GALNT13: variants seen among roughly 807,000 people sequenced by gnomAD.
The protein encoded by GALNT13 is polypeptide N-acetylgalactosaminyltransferase 13.
In GALNT13, 28 loss-of-function variants were observed where a neutral mutation model predicts 64.2. The observed-to-expected ratio is 0.44, with a 90% confidence interval of 0.32 to 0.60. The LOEUF (loss-of-function observed/expected upper bound fraction) is 0.60. GALNT13 is among the 20% of genes least tolerant of loss of function. The pLI is 0.05. For synonymous variants in GALNT13, 214 were observed against 224.6 expected (o/e 0.95, Z 0.42); for missense variants, 577 against 669.8 (o/e 0.86, Z 1.53).
In GALNT13 at chr2:154,021,463, A is replaced by G. The variant is rs148946883; in HGVS notation, c.142+76824A>G. 7.0e-3 allele frequency among the ~76,000 whole-genome samples: 1,068 copies of G among 152,258 alleles called. 15 individuals carry two copies. The highest frequency in any genetic ancestry group is 0.025 in the African/African-American group (1,028 of 41,530). Reference sequence around the variant, plus strand: ...TAAGTATTTTATTCTCTTTGAAACAATTGTGAATGGGAATTCACTCATGAT... The same window carrying G: ...TAAGTATTTTATTCTCTTTGAAACAGTTGTGAATGGGAATTCACTCATGAT... On this transcript the variant is annotated intron_variant, in intron 3 of 12. Coordinates refer to ENST00000392825, the MANE Select transcript of GALNT13 (RefSeq NM_052917.4).
chr2:154,295,847 G>A (rs972154349), intron 8 of GALNT13, among the ~76,000 whole-genome samples: 1 of 152,120 alleles, frequency 6.6e-6, no homozygotes, highest in Non-Finnish European at 1.5e-5. Context: ...CTAGAAAAAC[G>A]GCAGGTCTTT....
At chr2:153,374,278 A>G in the GALNT13 span, among the ~76,000 whole-genome samples, 1 of 152,322 alleles carries the variant, frequency 6.6e-6, no homozygotes, top group Non-Finnish European at 1.5e-5. Context: ...CCATCCAAAC[A>G]AGTATGAAGT....
At chr2:154,123,521 GAATAACATGGCTACACACTC>G (rs2105523272) in intron 3 of GALNT13, among the ~76,000 whole-genome samples, 1 of 151,960 alleles carries the variant, frequency 6.6e-6, no homozygotes, top group East Asian at 1.9e-4. Flanking sequence ...AAGGCACACT[GAATAACATGGCTACACACTC>G]AATAACATGG....
At chr2:154,047,431 G>A (rs1159650938) in intron 3 of GALNT13, among the ~76,000 whole-genome samples, 1 of 152,116 alleles carries the variant, frequency 6.6e-6, no homozygotes, top group Non-Finnish European at 1.5e-5. Flanking sequence ...ATGTAGTTAA[G>A]AGTATATGGT....
chr2:153,746,266 C>G, the GALNT13 span, among the ~76,000 whole-genome samples: 1 of 152,008 alleles, frequency 6.6e-6, no homozygotes, highest in Admixed American at 6.6e-5. Flanking sequence ...AATACCAGCC[C>G]CTAGTAAGTA....
the GALNT13 span, among the ~76,000 whole-genome samples, chr2:153,658,905 T>C: frequency 1.3e-4 from 20 of 152,076 alleles, no homozygotes; most frequent in Admixed American, 1.3e-3. Context: ...GTTGACCCAT[T>C]TATCAGCCCA....
chr2:153,776,582 T>C, the GALNT13 span, among the ~76,000 whole-genome samples: 1 of 152,230 alleles, frequency 6.6e-6, no homozygotes, highest in Non-Finnish European at 1.5e-5. Flanking sequence ...TTTCAATTTC[T>C]CACTTGCCCA....
At chr2:153,832,400 A>G in the GALNT13 span, among the ~76,000 whole-genome samples, 27 of 152,298 alleles carry the variant, frequency 1.8e-4, 1 homozygote, top group African/African-American at 5.8e-4. Flanking sequence ...TAATCAAAAC[A>G]AGTTCAAAAA....
chr2:153,959,105 A>G (rs1206276674), intron 3 of GALNT13, among the ~76,000 whole-genome samples: 1 of 152,254 alleles, frequency 6.6e-6, no homozygotes, highest in Non-Finnish European at 1.5e-5. Context: ...GGCAAGACCA[A>G]TATTCCCCTA....
the GALNT13 span, among the ~76,000 whole-genome samples, chr2:153,678,938 A>G: frequency 6.6e-6 from 1 of 152,032 alleles, no homozygotes; most frequent in Non-Finnish European, 1.5e-5. Flanking sequence ...GAGAGTATGG[A>G]AAATGGAAGT....
the GALNT13 span, among the ~76,000 whole-genome samples, chr2:153,679,304 T>C: frequency 6.6e-6 from 1 of 152,136 alleles, no homozygotes; most frequent in Non-Finnish European, 1.5e-5. Context: ...ATACTCACAA[T>C]GATTATGTTT....
chr2:153,487,981 A>C, the GALNT13 span, among the ~76,000 whole-genome samples: 7 of 152,220 alleles, frequency 4.6e-5, no homozygotes, highest in Non-Finnish European at 1.0e-4. Context: ...AGGCAGTCCA[A>C]AGGAATATTA....
At chr2:153,081,877 G>A in the GALNT13 span, among the ~76,000 whole-genome samples, 1 of 152,120 alleles carries the variant, frequency 6.6e-6, no homozygotes, top group African/African-American at 2.4e-5. Context: ...TTTGTGGGGT[G>A]TTTACCAAGC....
chr2:153,804,065 C>T, the GALNT13 span, among the ~76,000 whole-genome samples: 5 of 152,194 alleles, frequency 3.3e-5, no homozygotes, highest in African/African-American at 9.6e-5. Flanking sequence ...AATGAAATGA[C>T]ATTAACAGAA....
chr2:153,501,860 T>C, the GALNT13 span, among the ~76,000 whole-genome samples: 4 of 152,312 alleles, frequency 2.6e-5, no homozygotes, highest in African/African-American at 7.2e-5. Flanking sequence ...CTTTTAACCA[T>C]AGCACTCCTT....
the GALNT13 span, among the ~76,000 whole-genome samples, chr2:153,277,215 G>T: frequency 2.0e-5 from 3 of 151,982 alleles, no homozygotes; most frequent in Non-Finnish European, 4.4e-5. Flanking sequence ...CTATATCCCC[G>T]CTCTAGTACT....
chr2:153,641,536 C>T, the GALNT13 span, among the ~76,000 whole-genome samples: 4 of 152,044 alleles, frequency 2.6e-5, no homozygotes, highest in African/African-American at 9.7e-5. Context: ...AAGAAGCAAG[C>T]GATACAAATT....
intron 3 of GALNT13, among the ~76,000 whole-genome samples, chr2:154,024,450 C>T (rs1028284257): frequency 2.6e-5 from 4 of 152,114 alleles, no homozygotes; most frequent in Non-Finnish European, 5.9e-5. Context: ...TTTCGTCTTC[C>T]ATCACTGATA....
chr2:153,635,445 C>CATATATGTGTATATATATATACAT, the GALNT13 span, among the ~76,000 whole-genome samples: 1 of 132,428 alleles, frequency 7.6e-6, no homozygotes. Context: ...TATATACACA[C>CATATATGTGTATATATATATACAT]ATATATATGT....
Sources: allele counts gnomAD v4.1 joint callset (sites outside exome capture counted in the v4.1 genomes callset), GRCh38; gene constraint gnomAD v4.1.1; transcripts MANE v1.5; gene names NCBI Gene and HGNC (gene_info 2026-07-23, HGNC 2026-07-21).